Variants in MYO5A observed in about 807,000 individuals in gnomAD.
MYO5A encodes the protein myosin VA.
Under a neutral mutation model 249.7 loss-of-function variants are expected in MYO5A, and 98 were observed. The ratio of observed to expected loss-of-function variants is 0.39; its 90% CI spans 0.33 to 0.46. The LOEUF (loss-of-function observed/expected upper bound fraction) is 0.46. Among genes scored for constraint, MYO5A ranks in the 20% least tolerant of loss-of-function variants. MYO5A has a pLI of 0.98. For synonymous variants in MYO5A, 778 were observed against 810.6 expected (o/e 0.96, Z 0.68); for missense variants, 1,696 against 2,308.8 (o/e 0.73, Z 5.44).
intron 4 of MYO5A, among the ~76,000 whole-genome samples, 161 bp from the exon 5 acceptor site, chr15:52,416,462 G>A (rs1010240068): frequency 2.0e-5 from 3 of 151,826 alleles, no homozygotes; most frequent in Non-Finnish European, 4.4e-5. Flanking sequence ...TCCCTATACT[G>A]GCCACCAGAA....
intron 11 of MYO5A, among the ~76,000 whole-genome samples, chr15:52,394,678 G>A (rs1172003312): frequency 6.6e-6 from 1 of 152,222 alleles, no homozygotes; most frequent in Non-Finnish European, 1.5e-5. Flanking sequence ...CACACATGCA[G>A]ACAGGAGGCC....
chr15:52,384,090 A>G, intron 15 of MYO5A, 71 bp downstream of exon 15: 2 of 1,590,602 alleles, frequency 1.3e-6, no homozygotes. Flanking sequence ...GGGAGGCTGA[A>G]GAGGGAAGAT....
intron 1 of MYO5A, among the ~76,000 whole-genome samples, chr15:52,484,579 A>T (rs1165346194): frequency 6.6e-6 from 1 of 152,192 alleles, no homozygotes; most frequent in East Asian, 1.9e-4. Flanking sequence ...TAACAAAACA[A>T]CTTGGTAGAA....
At chr15:52,325,873 T>A (rs537743366) in intron 36 of MYO5A, among the ~76,000 whole-genome samples, 1 of 152,318 alleles carries the variant, frequency 6.6e-6, no homozygotes, top group South Asian at 2.1e-4. Context: ...GGTTACTAGA[T>A]TGAGTTTGCC....
Position 52,307,789 on chromosome 15 carries a change from T to C in MYO5A, c.*5907A>G, listed in dbSNP as rs1368273742. ...AGTTAATAATTAAAATACAATATGT[T>C]AAATGGCATGAACTCATTTTTGCGC... On this transcript the variant is annotated 3_prime_UTR_variant, in exon 42 of 42. Transcript: ENST00000399233. 6.6e-6 allele frequency: 1 copy of C among 152,182 alleles called. No individual in the cohort carries two copies. Among genetic ancestry groups the C allele is most frequent in the Admixed American group, 6.5e-5 (1 of 15,280 alleles). 9.4% of individuals were successfully genotyped at this position (152,182 alleles called of 1,614,324 possible).
In MYO5A at chr15:52,340,301, G is replaced by A. The variant is rs527716337; in HGVS notation, c.4134C>T (p.Asn1378=). The A allele has an allele frequency of 6.2e-7, 1 of 1,614,018 alleles. No homozygotes were observed. The highest frequency in any genetic ancestry group is 8.5e-7 in the Non-Finnish European group (1 of 1,180,024). The change falls in exon 32 of 42, where the codon AAC becomes AAT. Residue 1378 remains asparagine, a synonymous_variant. Transcript: ENST00000399233. ...GGGCCAGCAGCTGCTGCTGTCGGTT[G>A]TTCTCCTCCTTCAGGCTCTGGATCT... ...RGEIQSLKEE[N]NRQQQLLAQN...
intron 1 of MYO5A, among the ~76,000 whole-genome samples, chr15:52,485,119 A>G (rs1213924392): frequency 6.6e-6 from 1 of 152,176 alleles, no homozygotes; most frequent in Admixed American, 6.5e-5. Context: ...ATAGCTAGGA[A>G]GTATGTAAGT....
At chr15:52,345,238 T>C (rs1446455160) in intron 30 of MYO5A, among the ~76,000 whole-genome samples, 1 of 152,212 alleles carries the variant, frequency 6.6e-6, no homozygotes, top group Admixed American at 6.5e-5. Context: ...ATGTAATCTC[T>C]AGACTACTTA....
At chr15:52,339,979 G>T (rs866165693) in intron 32 of MYO5A, among the ~76,000 whole-genome samples, 1 of 152,164 alleles carries the variant, frequency 6.6e-6, no homozygotes, top group Non-Finnish European at 1.5e-5. Context: ...GCAGGTCTAA[G>T]AGCACGCAGC....
intron 36 of MYO5A, among the ~76,000 whole-genome samples, chr15:52,326,731 A>T (rs1047486002): frequency 6.6e-6 from 1 of 151,752 alleles, no homozygotes; most frequent in African/African-American, 2.4e-5. Flanking sequence ...GTTTTACCTA[A>T]TTTTTTTTTA....
intron 1 of MYO5A, among the ~76,000 whole-genome samples, chr15:52,474,301 G>A (rs1049737652): frequency 1.5e-4 from 23 of 152,258 alleles, no homozygotes; most frequent in Non-Finnish European, 3.1e-4. Context: ...GAGACAATGG[G>A]GTTTTCTAAA....
intron 1 of MYO5A, among the ~76,000 whole-genome samples, chr15:52,502,840 A>G (rs1290143043): frequency 6.6e-6 from 1 of 152,248 alleles, no homozygotes; most frequent in African/African-American, 2.4e-5. Context: ...AAACGATACA[A>G]ATTTAAGTAC....
At chr15:52,379,952 T>C (rs1410263389) in intron 16 of MYO5A, 44 bp from the exon 17 acceptor site, 1 of 1,600,186 alleles carries the variant, frequency 6.2e-7, no homozygotes, top group Non-Finnish European at 8.6e-7. Flanking sequence ...AGAACCTGGC[T>C]GGTGGCCACA....
intron 36 of MYO5A, among the ~76,000 whole-genome samples, chr15:52,324,427 G>A (rs917946711): frequency 6.6e-6 from 1 of 152,134 alleles, no homozygotes; most frequent in African/African-American, 2.4e-5. Flanking sequence ...TAAACCATTT[G>A]GATGAACTAA....
At chr15:52,328,083 A>T (rs1431823792) in intron 35 of MYO5A, 77 bp from the exon 36 acceptor site, 8 of 1,216,934 alleles carry the variant, frequency 6.6e-6, no homozygotes, top group Non-Finnish European at 9.5e-6. Flanking sequence ...ATAAAAACAC[A>T]GTTGTCATGT....
chr15:52,417,606 G>C (rs534085440), intron 4 of MYO5A, among the ~76,000 whole-genome samples: 29 of 152,264 alleles, frequency 1.9e-4, no homozygotes, highest in Non-Finnish European at 2.9e-5. Context: ...GATGATATTG[G>C]GAGGTGGGGC....
chr15:52,324,123 C>T (rs146695662), intron 36 of MYO5A, among the ~76,000 whole-genome samples: 95 of 140,434 alleles, frequency 6.8e-4, no homozygotes, highest in African/African-American at 2.4e-3. Flanking sequence ...AGAGGAATAA[C>T]AAATATTGTG....
chr15:52,446,173 C>T (rs1179172424), intron 1 of MYO5A, among the ~76,000 whole-genome samples: 1 of 152,236 alleles, frequency 6.6e-6, no homozygotes, highest in African/African-American at 2.4e-5. Flanking sequence ...GGCCCAGAGG[C>T]CTAGGAGGAC....
intron 30 of MYO5A, among the ~76,000 whole-genome samples, chr15:52,344,145 T>C (rs746896442): frequency 1.1e-4 from 17 of 152,198 alleles, no homozygotes; most frequent in Non-Finnish European, 2.5e-4. Context: ...ATTCCAGGCA[T>C]TGTCTTCTAC....
Sources: allele counts gnomAD v4.1 joint callset (sites outside exome capture counted in the v4.1 genomes callset), GRCh38; gene constraint gnomAD v4.1.1; transcripts MANE v1.5; gene names NCBI Gene and HGNC (gene_info 2026-07-23, HGNC 2026-07-21).